Variants in CACNB2 observed in about 807,000 individuals in gnomAD.
The protein encoded by CACNB2 is voltage-dependent L-type calcium channel subunit beta-2.
In CACNB2, 42 loss-of-function variants were observed where a neutral mutation model predicts 73.3. That is an observed-to-expected ratio of 0.57 (90% CI 0.45 to 0.74). The LOEUF is 0.74. CACNB2 is among the 30% of genes least tolerant of loss of function. The pLI is 0.00. For synonymous variants in CACNB2, 348 were observed against 310.3 expected (o/e 1.12, Z -1.28); for missense variants, 940 against 853.0 (o/e 1.10, Z -1.27).
At chr10:18,204,085 A>G (rs1378702304) in intron 2 of CACNB2, among the ~76,000 whole-genome samples, 1 of 152,212 alleles carries the variant, frequency 6.6e-6, no homozygotes, top group Non-Finnish European at 1.5e-5. Context: ...TTTTAACATT[A>G]TGTTTAAATA....
At chr10:18,168,264 C>A (rs1356147523) in intron 2 of CACNB2, among the ~76,000 whole-genome samples, 4 of 152,006 alleles carry the variant, frequency 2.6e-5, no homozygotes, top group Admixed American at 6.6e-5. Flanking sequence ...AGAGCAAGAC[C>A]CTGTCTCTAA....
intron 2 of CACNB2, among the ~76,000 whole-genome samples, chr10:18,355,094 C>T (rs2041856199): frequency 6.6e-6 from 1 of 152,168 alleles, no homozygotes; most frequent in African/African-American, 2.4e-5. Flanking sequence ...TGAGTTCCAT[C>T]CCCAATGTAG....
intron 1 of CACNB2, 21 bp from the exon 2 acceptor site, chr10:18,150,862 T>TC: frequency 1.0e-6 from 1 of 978,718 alleles, no homozygotes; most frequent in Non-Finnish European, 1.4e-6. Context: ...TGTCTTTTTT[T>TC]TTTTTTTTTT....
At chr10:18,289,187 T>C (rs1216420614) in intron 2 of CACNB2, among the ~76,000 whole-genome samples, 2 of 152,124 alleles carry the variant, frequency 1.3e-5, no homozygotes, top group African/African-American at 4.8e-5. Flanking sequence ...AATCAAATGC[T>C]GGTTAATACT....
In CACNB2 at chr10:18,543,032, T is replaced by G. The variant is rs1171425214; in HGVS notation, c.*3308T>G. 6.6e-6 allele frequency: 1 copy of G among 152,144 alleles called. No individual in the cohort carries two copies. Among genetic ancestry groups the G allele is most frequent in the African/African-American group, 2.4e-5 (1 of 41,442 alleles). The allele number at this position is 152,144 out of a possible 1,614,324, so 9.4% of individuals were successfully genotyped here. ...TTGGGACAATGCCACATTTTTAACA[T>G]GGTCTGCTATGCATTCCTGTTAAAC... On this transcript the variant is annotated 3_prime_UTR_variant, in exon 14 of 14. Transcript: ENST00000324631.
At chr10:18,423,386 A>G (rs2045431184) in intron 3 of CACNB2, among the ~76,000 whole-genome samples, 1 of 152,172 alleles carries the variant, frequency 6.6e-6, no homozygotes, top group Non-Finnish European at 1.5e-5. Flanking sequence ...GGCCGGAGGA[A>G]GATATAGTAG....
chr10:18,311,594 A>T (rs1189429981), intron 2 of CACNB2, among the ~76,000 whole-genome samples: 1 of 152,248 alleles, frequency 6.6e-6, no homozygotes, highest in Non-Finnish European at 1.5e-5. Flanking sequence ...TAGAGAAAAG[A>T]TGTTAAAAAA....
At chr10:18,396,102 A>G (rs4748459) in intron 2 of CACNB2, among the ~76,000 whole-genome samples, 101,559 of 151,452 alleles carry the variant, frequency 0.67, 34,255 homozygotes, top group East Asian at 0.76. Flanking sequence ...GACCACAGGC[A>G]CCTGCCACCA....
At chr10:18,188,369 C>T (rs912558644) in intron 2 of CACNB2, among the ~76,000 whole-genome samples, 16 of 152,220 alleles carry the variant, frequency 1.1e-4, no homozygotes, top group East Asian at 7.7e-4. Context: ...TGCAGTGGTG[C>T]AATCATAGCT....
chr10:18,260,657 C>T (rs962403209), intron 2 of CACNB2: 8 of 987,388 alleles, frequency 8.1e-6, no homozygotes, highest in Non-Finnish European at 9.6e-6. Context: ...GGAGAAGTAG[C>T]AAATCAGATA....
intron 1 of CACNB2, among the ~76,000 whole-genome samples, chr10:18,144,482 T>C (rs2030759410): frequency 6.6e-6 from 1 of 152,228 alleles, no homozygotes; most frequent in South Asian, 2.1e-4. Context: ...GGTAACCTGT[T>C]GAACAGTTTC....
At chr10:18,164,808 C>T (rs1023885494) in intron 2 of CACNB2, among the ~76,000 whole-genome samples, 7 of 152,010 alleles carry the variant, frequency 4.6e-5, no homozygotes, top group Admixed American at 1.3e-4. Context: ...TTTCTCTGAC[C>T]GTTTTGTGTG....
Position 18,536,567 on chromosome 10 carries a change from T to TG in CACNB2, c.1302+373dup, listed in dbSNP as rs548719086. Among the ~76,000 whole-genome samples, 36 of 152,148 alleles carry TG rather than the reference T, an allele frequency of 2.4e-4. 2 individuals carry two copies. In the South Asian group the frequency reaches 7.5e-3, roughly 32 times the overall value. On this transcript the variant is annotated intron_variant, in intron 12 of 13. Coordinates refer to ENST00000324631, the MANE Select transcript of CACNB2 (RefSeq NM_201596.3). ...ATGAGCTGCCATGCCTGGCCAGAAC[T>TG]GGCATTATATTTTGAAAAAAACAGT...
At chr10:18,524,009 T>G (rs2052188515) in intron 9 of CACNB2, among the ~76,000 whole-genome samples, 1 of 152,128 alleles carries the variant, frequency 6.6e-6, no homozygotes, top group Admixed American at 6.6e-5. Flanking sequence ...TGTCAGTGTG[T>G]CAGATCAAAG....
intron 2 of CACNB2, among the ~76,000 whole-genome samples, chr10:18,349,184 A>C (rs976160681): frequency 6.6e-6 from 1 of 152,226 alleles, no homozygotes; most frequent in Admixed American, 6.5e-5. Flanking sequence ...GGGCATTCAC[A>C]GGACATTGCA....
At chr10:18,501,452 A>C (rs2133040683) in intron 5 of CACNB2, among the ~76,000 whole-genome samples, 1 of 152,374 alleles carries the variant, frequency 6.6e-6, no homozygotes, top group South Asian at 2.1e-4. Flanking sequence ...GCGAAGTATG[A>C]AACAAGTTAA....
At chr10:18,461,912 C>T (rs115730234) in intron 3 of CACNB2, among the ~76,000 whole-genome samples, 3,375 of 152,040 alleles carry the variant, frequency 0.022, 139 homozygotes, top group African/African-American at 0.076. Context: ...GACATAGCTG[C>T]CTTGGCATCT....
At chr10:18,259,966 T>C (rs1045993312) in intron 2 of CACNB2, among the ~76,000 whole-genome samples, 5 of 152,140 alleles carry the variant, frequency 3.3e-5, no homozygotes, top group African/African-American at 1.2e-4. Context: ...CTTTTATTTT[T>C]CCAGGAGCCT....
chr10:18,152,747 C>G (rs1012468801), intron 2 of CACNB2, among the ~76,000 whole-genome samples: 6 of 102,962 alleles, frequency 5.8e-5, no homozygotes, highest in African/African-American at 8.1e-5. Context: ...AAACAAAACA[C>G]TAGCTCCTTA....
Sources: gnomAD v4.1 joint callset for allele counts (sites outside exome capture counted in the v4.1 genomes callset) on GRCh38, gnomAD v4.1.1 for gene constraint, MANE v1.5 for transcripts, NCBI Gene and HGNC (gene_info 2026-07-23, HGNC 2026-07-21) for gene names.